PREX1: variants seen among roughly 807,000 people sequenced by gnomAD.
PREX1 encodes phosphatidylinositol 3,4,5-trisphosphate-dependent Rac exchanger 1 protein.
In PREX1, 41 loss-of-function variants were observed where a neutral mutation model predicts 198.3. The ratio of observed to expected loss-of-function variants is 0.21; its 90% confidence interval spans 0.16 to 0.27. The LOEUF is 0.27. Ranked by LOEUF, PREX1 falls within the 10% of genes least tolerant of loss-of-function variation. The probability of loss-of-function intolerance (pLI) is 1.00; values close to 1 mark genes in which losing one functional copy is unlikely to be tolerated. For synonymous variants in PREX1, 843 were observed against 887.2 expected, an observed-to-expected ratio of 0.95 and a Z score of 0.89; for missense variants, 1,620 against 2,200.7, an observed-to-expected ratio of 0.74 and a Z score of 5.28.
intron 1 of PREX1, among the ~76,000 whole-genome samples, chr20:48,767,262 A>T (rs1204992696): frequency 6.6e-6 from 1 of 152,142 alleles, no homozygotes. Flanking sequence ...ACAGACTACG[A>T]CAGCTCACCA....
chr20:48,814,291 T>G (rs570992168), intron 1 of PREX1, among the ~76,000 whole-genome samples: 6 of 152,234 alleles, frequency 3.9e-5, no homozygotes, highest in Non-Finnish European at 5.9e-5. Context: ...GGCTGTGACC[T>G]CATGCAACTT....
chr20:48,835,595 AG>A, the PREX1 span, among the ~76,000 whole-genome samples: 1 of 152,238 alleles, frequency 6.6e-6, no homozygotes, highest in Non-Finnish European at 1.5e-5. Context: ...TCCGGGCAGC[AG>A]GAACAGCAGG....
chr20:48,678,346 C>A (rs1376244872), intron 13 of PREX1, among the ~76,000 whole-genome samples: 2 of 152,006 alleles, frequency 1.3e-5, no homozygotes, highest in Non-Finnish European at 2.9e-5. Context: ...TGGTGCACGC[C>A]TGTAGTCCCA....
intron 10 of PREX1, among the ~76,000 whole-genome samples, chr20:48,682,354 T>C (rs1389146263): frequency 6.6e-6 from 1 of 152,146 alleles, no homozygotes; most frequent in Non-Finnish European, 1.5e-5. Flanking sequence ...CCATCACATC[T>C]CTGTGTTGCT....
intron 26 of PREX1, 109 bp from the exon 27 acceptor site, chr20:48,644,606 G>T (rs2089437786): frequency 2.1e-6 from 2 of 967,724 alleles, no homozygotes; most frequent in African/African-American, 1.6e-5. Context: ...GGGCCCTCAG[G>T]TGGGCGTGCA....
the PREX1 span, among the ~76,000 whole-genome samples, chr20:48,864,614 A>G: frequency 0.2 from 30,422 of 152,100 alleles, 3,224 homozygotes; most frequent in African/African-American, 0.27. Context: ...AGCAAGATTT[A>G]AACCCAGGTC....
the PREX1 span, among the ~76,000 whole-genome samples, chr20:48,872,512 G>A: frequency 3.3e-5 from 5 of 152,136 alleles, no homozygotes; most frequent in African/African-American, 4.8e-5. Flanking sequence ...GGGAGGCCGA[G>A]GCAGGCAGAT....
chr20:48,735,550 G>T (rs1341837223), intron 3 of PREX1, among the ~76,000 whole-genome samples: 1 of 152,108 alleles, frequency 6.6e-6, no homozygotes. Flanking sequence ...GAGCCACAAA[G>T]TGCCCAGGTC....
At chr20:48,735,409 G>A (rs780663444) in intron 3 of PREX1, among the ~76,000 whole-genome samples, 9 of 152,158 alleles carry the variant, frequency 5.9e-5, no homozygotes, top group Non-Finnish European at 1.0e-4. Context: ...CCCCCAGATG[G>A]CCTTCCGATG....
intron 1 of PREX1, among the ~76,000 whole-genome samples, chr20:48,810,878 ACTC>A (rs1300367090): frequency 1.3e-5 from 2 of 151,758 alleles, no homozygotes; most frequent in Admixed American, 6.6e-5. Context: ...CAAGAGCCAG[ACTC>A]CTCCTCAAAA....
chr20:48,845,525 A>G, the PREX1 span, among the ~76,000 whole-genome samples: 9 of 152,112 alleles, frequency 5.9e-5, no homozygotes, highest in Admixed American at 5.2e-4. Flanking sequence ...CAACATGACG[A>G]AAAGTGTCTC....
chr20:48,723,300 G>T (rs1278885849), intron 5 of PREX1, among the ~76,000 whole-genome samples: 1 of 152,206 alleles, frequency 6.6e-6, no homozygotes, highest in Non-Finnish European at 1.5e-5. Context: ...TGGGCTGGGG[G>T]GTTGAGCTCA....
At chr20:48,699,501 C>T (rs2089863608) in intron 7 of PREX1, among the ~76,000 whole-genome samples, 1 of 152,036 alleles carries the variant, frequency 6.6e-6, no homozygotes, top group Non-Finnish European at 1.5e-5. Context: ...AGTCATCCAA[C>T]CCCCACATCC....
intron 30 of PREX1, among the ~76,000 whole-genome samples, chr20:48,639,224 A>T (rs1395977985): frequency 6.6e-6 from 1 of 152,222 alleles, no homozygotes; most frequent in Non-Finnish European, 1.5e-5. Flanking sequence ...CCTCTCCACC[A>T]AGGGAGGATG....
chr20:48,885,679 G>T, the PREX1 span, among the ~76,000 whole-genome samples: 1 of 135,230 alleles, frequency 7.4e-6, no homozygotes, highest in Non-Finnish European at 1.5e-5. Context: ...GCAAATGGAT[G>T]AATAAACTGT....
chr20:48,632,147 G>C, intron 35 of PREX1, 130 bp downstream of exon 35: 1 of 823,234 alleles, frequency 1.2e-6, no homozygotes, highest in Non-Finnish European at 2.0e-6. Flanking sequence ...CTGTCACACA[G>C]AAGGTGCTCA....
At chr20:48,649,927 G>T (rs2089479793) in intron 24 of PREX1, 69 bp downstream of exon 24, 2 of 1,554,700 alleles carry the variant, frequency 1.3e-6, no homozygotes, top group Non-Finnish European at 1.8e-6. Flanking sequence ...CTGACCTTCA[G>T]ACAAGTTTTG....
Position 48,827,698 on chromosome 20 carries a change from T to C in PREX1, c.163A>G (p.Asn55Asp). 2.2e-6 allele frequency: 3 copies of C among 1,381,068 alleles called. No individual in the cohort carries two copies. The highest frequency in any genetic ancestry group is 2.8e-6 in the Non-Finnish European group (3 of 1,053,748). The allele number at this position is 1,381,068 out of a possible 1,614,324, so 85.6% of individuals were successfully genotyped here. A position where few individuals can be genotyped will look rare whatever the true frequency, so the allele number is the denominator to read the frequency against. The change falls in exon 1 of 40, where the codon AAC becomes GAC. Residue 55 changes from asparagine to aspartate, a missense_variant. Asn to Asp is a conservative substitution (Grantham distance 23, BLOSUM62 1). Transcript: ENST00000371941. The surrounding 1 kb of genome is among the most constrained non-coding windows in gnomAD (Gnocchi z 4.1). ...RQLRLRLCVL[N>D]EILGTERDYV... is the part of the protein sequence containing the mutation. ...TCCCTCTCGGTGCCCAAGATCTCGT[T>C]GAGGACGCAGAGGCGGAGGCGCAGC...
At chr20:48,752,727 C>G (rs2090139583) in intron 1 of PREX1, among the ~76,000 whole-genome samples, 1 of 152,218 alleles carries the variant, frequency 6.6e-6, no homozygotes, top group Admixed American at 6.5e-5. Flanking sequence ...CACTCCCCCA[C>G]TCTCCTATTG....
Sources: allele counts gnomAD v4.1 joint callset (sites outside exome capture counted in the v4.1 genomes callset), GRCh38; gene constraint gnomAD v4.1.1; non-coding constraint Gnocchi (gnomAD v3.1); transcripts MANE v1.5; gene names NCBI Gene and HGNC (gene_info 2026-07-23, HGNC 2026-07-21).